DCDC1: variants seen among roughly 807,000 people sequenced by gnomAD.
DCDC1 encodes doublecortin domain containing 1.
A neutral mutation model predicts 178.3 loss-of-function variants in DCDC1; 200 were observed. That is an observed-to-expected ratio of 1.12 (90% confidence interval 1.00 to 1.26). The LOEUF (loss-of-function observed/expected upper bound fraction) is 1.26. Ranked by LOEUF, DCDC1 falls within the 50% of genes most tolerant of loss-of-function variation. The probability of loss-of-function intolerance (pLI) is 0.00; values close to 1 mark genes in which losing one functional copy is unlikely to be tolerated. For synonymous variants in DCDC1, 690 were observed against 604.8 expected (o/e 1.14, Z -2.07); for missense variants, 1,983 against 1,749.2 (o/e 1.13, Z -2.38).
intron 9 of DCDC1, among the ~76,000 whole-genome samples, chr11:31,213,164 CT>C: frequency 1.1e-5 from 1 of 89,890 alleles, no homozygotes; most frequent in Admixed American, 1.4e-4. Context: ...TCTCTCTCTG[CT>C]TTCTTTACCA....
At chr11:31,046,666 A>T (rs933589647) in intron 20 of DCDC1, among the ~76,000 whole-genome samples, 1 of 151,966 alleles carries the variant, frequency 6.6e-6, no homozygotes, top group Non-Finnish European at 1.5e-5. Context: ...AGAAAAAAAA[A>T]TTCTGGTTGC....
chr11:31,157,245 G>T (rs1172423191), intron 9 of DCDC1, among the ~76,000 whole-genome samples: 3 of 150,280 alleles, frequency 2.0e-5, no homozygotes, highest in Non-Finnish European at 3.0e-5. Context: ...TAAAAAATGA[G>T]CTGGGCATGG....
Position 31,265,538 on chromosome 11 carries a change from C to T in DCDC1, c.1023G>A (p.Leu341=), listed in dbSNP as rs145398981. The change falls in exon 8 of 39, where the codon TTG becomes TTA. Residue 341 remains leucine (L), a synonymous_variant. Coordinates refer to ENST00000684477, the MANE Select transcript of DCDC1 (RefSeq NM_001387274.1). ...LNLPARYFYD[L]YGRKIEDISK... ...AAATATCTTCAATTTTTCTGCCATACAAATCATAAAAATATCTGGCTGGTA... is the reference window on the plus strand; with the variant it reads ...AAATATCTTCAATTTTTCTGCCATATAAATCATAAAAATATCTGGCTGGTA... 1.9e-5 allele frequency: 27 copies of T among 1,449,922 alleles called. No homozygotes were observed. In the African/African-American group the frequency reaches 2.8e-4, roughly 15 times the overall value. 89.8% of individuals were successfully genotyped at this position (1,449,922 alleles called of 1,614,324 possible).
chr11:31,071,431 T>C (rs1382382226), intron 18 of DCDC1, among the ~76,000 whole-genome samples: 2 of 152,166 alleles, frequency 1.3e-5, no homozygotes, highest in Admixed American at 6.6e-5. Flanking sequence ...GAATATGCAT[T>C]TTTTAAGGAT....
intron 1 of DCDC1, among the ~76,000 whole-genome samples, chr11:31,351,737 T>C (rs1951084589): frequency 6.6e-6 from 1 of 152,144 alleles, no homozygotes; most frequent in Non-Finnish European, 1.5e-5. Context: ...AAGTTTAATA[T>C]TCACATGCAT....
At chr11:31,096,136 T>A (rs1196231071) in intron 15 of DCDC1, among the ~76,000 whole-genome samples, 1 of 152,152 alleles carries the variant, frequency 6.6e-6, no homozygotes, top group African/African-American at 2.4e-5. Context: ...GTAATGAAAG[T>A]CACTTCTCAA....
chr11:31,256,305 C>T (rs1370448047), intron 8 of DCDC1, among the ~76,000 whole-genome samples: 4 of 152,128 alleles, frequency 2.6e-5, no homozygotes, highest in Admixed American at 6.6e-5. Flanking sequence ...ACAGTCCAAT[C>T]CTCCACAAGA....
At chr11:31,279,951 A>C (rs1247709207) in intron 7 of DCDC1, among the ~76,000 whole-genome samples, 3 of 152,152 alleles carry the variant, frequency 2.0e-5, no homozygotes, top group African/African-American at 7.2e-5. Context: ...GGAATTACAT[A>C]AAATTATTTC....
rs140864586 is a variant in DCDC1 at position 31,068,755 on chromosome 11, T to C, written c.2299-3602A>G. On this transcript the variant is annotated intron_variant, in intron 18 of 38. Coordinates refer to ENST00000684477, the MANE Select transcript of DCDC1 (RefSeq NM_001387274.1). ...CATTTTATACATGCAAATATATGCATAATAATTTTTGGGAATATACAAAAA... is the reference window on the plus strand; with the variant it reads ...CATTTTATACATGCAAATATATGCACAATAATTTTTGGGAATATACAAAAA... Among the ~76,000 whole-genome samples, 903 of 152,276 alleles carry C rather than the reference T, an allele frequency of 5.9e-3. 7 individuals are homozygous for C. The highest frequency in any genetic ancestry group is 0.02 in the African/African-American group (842 of 41,566).
chr11:31,308,027 T>C, intron 3 of DCDC1, 119 bp from the exon 4 acceptor site: 1 of 1,302,404 alleles, frequency 7.7e-7, no homozygotes, highest in Admixed American at 2.3e-5. Flanking sequence ...CACTTAGCCA[T>C]TATTTTGTTT....
intron 9 of DCDC1, among the ~76,000 whole-genome samples, chr11:31,237,024 T>C (rs1248850653): frequency 6.6e-6 from 1 of 151,924 alleles, no homozygotes; most frequent in African/African-American, 2.4e-5. Context: ...TTTGAAAAAT[T>C]AAAATACTAA....
intron 3 of DCDC1, among the ~76,000 whole-genome samples, 163 bp downstream of exon 3, chr11:31,327,954 T>C (rs1034196428): frequency 6.6e-6 from 1 of 152,118 alleles, no homozygotes; most frequent in Non-Finnish European, 1.5e-5. Context: ...GGTCTCGAAC[T>C]TCTAACCTCA....
chr11:31,117,095 C>A (rs758054182), intron 11 of DCDC1, among the ~76,000 whole-genome samples: 1 of 152,126 alleles, frequency 6.6e-6, no homozygotes, highest in Non-Finnish European at 1.5e-5. Context: ...TAGAGATTCA[C>A]TCCTTTGTCA....
intron 17 of DCDC1, among the ~76,000 whole-genome samples, chr11:31,079,129 T>C (rs1957033069): frequency 6.6e-6 from 1 of 152,248 alleles, no homozygotes; most frequent in East Asian, 1.9e-4. Context: ...AAAGACCAAG[T>C]CATGATTCAA....
chr11:30,920,758 G>T lies in DCDC1; in HGVS notation c.3293+18C>A. 1 of 1,612,166 alleles carries T rather than the reference G, an allele frequency of 6.2e-7. No homozygotes were observed. Among genetic ancestry groups the T allele is most frequent in the Non-Finnish European group, 8.5e-7 (1 of 1,179,024 alleles). The stretch of plus-strand genomic sequence containing the variant: ...AAAAAGCAGCCAGGTAGCTTTTCAG[G>T]CTACACTGATTACTTACAGAATTTC... On this transcript the variant is annotated intron_variant, in intron 25 of 38. Transcript: ENST00000684477.
chr11:30,887,812 C>G (rs191450695), intron 36 of DCDC1, among the ~76,000 whole-genome samples: 1 of 151,944 alleles, frequency 6.6e-6, no homozygotes. Context: ...GAGTCTGAGA[C>G]CAACCTGACC....
At chr11:31,216,766 G>A (rs533379261) in intron 9 of DCDC1, among the ~76,000 whole-genome samples, 1 of 152,152 alleles carries the variant, frequency 6.6e-6, no homozygotes, top group East Asian at 1.9e-4. Context: ...GATGGTCTGT[G>A]GCCTTCAATT....
chr11:31,231,564 T>C (rs769910311), intron 9 of DCDC1, among the ~76,000 whole-genome samples: 2 of 152,292 alleles, frequency 1.3e-5, no homozygotes, highest in South Asian at 2.1e-4. Context: ...AAAGTGCATA[T>C]AGGAGTTGGG....
intron 20 of DCDC1, among the ~76,000 whole-genome samples, chr11:31,005,774 T>A (rs1430322996): frequency 3.3e-5 from 5 of 152,012 alleles, no homozygotes; most frequent in Non-Finnish European, 7.4e-5. Flanking sequence ...GGCTCCTTGA[T>A]ATAAATACCT....
Sources: allele counts gnomAD v4.1 joint callset (sites outside exome capture counted in the v4.1 genomes callset), GRCh38; gene constraint gnomAD v4.1.1; transcripts MANE v1.5; gene names NCBI Gene and HGNC (gene_info 2026-07-23, HGNC 2026-07-21).